The following GBE1 variants were observed in gnomAD, a reference collection of about 807,000 sequenced individuals.
GBE1 encodes 1,4-alpha-glucan branching enzyme 1.
GBE1 carries 70 observed loss-of-function variants against 88.8 expected under a neutral mutation model. The ratio of observed to expected loss-of-function variants is 0.79; its 90% CI spans 0.65 to 0.96. The LOEUF (loss-of-function observed/expected upper bound fraction) is 0.96, where lower values mean the gene tolerates loss of function less well. GBE1 is among the 40% of genes least tolerant of loss of function. GBE1 has a pLI of 0.00. For synonymous variants in GBE1, 284 were observed against 300.1 expected, an observed-to-expected ratio of 0.95 and a Z score of 0.56; for missense variants, 872 against 871.0, an observed-to-expected ratio of 1.00 and a Z score of -0.01.
chr3:81,609,494 A>C (rs1350295812), intron 7 of GBE1, among the ~76,000 whole-genome samples: 1 of 152,154 alleles, frequency 6.6e-6, no homozygotes, highest in Non-Finnish European at 1.5e-5. Context: ...CAATGATTAC[A>C]GGTAATATAT....
At position 81,673,330 on chromosome 3, in the gene GBE1, T is replaced by G. The variant is rs545595979; in HGVS notation, c.314-2377A>C. The stretch of plus-strand genomic sequence containing the variant: ...TTCATTCATTCATTCATTAAATATG[T>G]ACTCCGTGCTTAATGCAGGCCCTGT... On this transcript the variant is annotated intron_variant, in intron 2 of 15. Transcript: ENST00000429644. 7.2e-5 allele frequency among the ~76,000 whole-genome samples: 11 copies of G among 151,996 alleles called. No individual in the cohort carries two copies. The South Asian group carries it at 2.1e-3, about 29-fold the overall frequency.
intron 1 of GBE1, among the ~76,000 whole-genome samples, chr3:81,745,398 A>G (rs767365761): frequency 1.3e-5 from 2 of 152,128 alleles, no homozygotes; most frequent in Non-Finnish European, 2.9e-5. Context: ...CTCCATTTTG[A>G]ACAGAGGTAT....
chr3:81,535,368 A>G, intron 13 of GBE1, 43 bp from the exon 14 acceptor site: 1 of 1,549,576 alleles, frequency 6.5e-7, no homozygotes, highest in Non-Finnish European at 8.7e-7. Flanking sequence ...TAATACCTAG[A>G]TGCTGCTACA....
intron 6 of GBE1, 33 bp from the exon 7 acceptor site, chr3:81,643,023 A>G (rs1704709396): frequency 6.9e-7 from 1 of 1,439,662 alleles, no homozygotes; most frequent in South Asian, 1.2e-5. Context: ...AAAGAAGATT[A>G]CATCACATTT....
intron 7 of GBE1, chr3:81,642,424 G>T: frequency 6.0e-6 from 1 of 167,424 alleles, no homozygotes; most frequent in Non-Finnish European, 1.3e-5. Context: ...TTTTTAAATG[G>T]CCTACTTAAA....
At chr3:81,636,768 G>C (rs1357391860) in intron 7 of GBE1, among the ~76,000 whole-genome samples, 1 of 152,034 alleles carries the variant, frequency 6.6e-6, no homozygotes, top group Admixed American at 6.6e-5. Context: ...AATCTCAGGT[G>C]ATCAGCCCCC....
chr3:81,515,928 G>T (rs1702793178), intron 14 of GBE1, among the ~76,000 whole-genome samples: 1 of 151,632 alleles, frequency 6.6e-6, no homozygotes, highest in African/African-American at 2.4e-5. Flanking sequence ...GGAAGCTGCA[G>T]AAGAAAAGTT....
intron 15 of GBE1, among the ~76,000 whole-genome samples, chr3:81,493,541 T>C (rs903755590): frequency 6.6e-6 from 1 of 152,042 alleles, no homozygotes. Flanking sequence ...TTTTTTTTTT[T>C]TTTCTTTTTA....
intron 1 of GBE1, among the ~76,000 whole-genome samples, chr3:81,721,292 C>T (rs1223929274): frequency 8.6e-6 from 1 of 115,992 alleles, no homozygotes; most frequent in Non-Finnish European, 1.8e-5. Context: ...CATGTAAGTA[C>T]AACTAAATCT....
intron 7 of GBE1, among the ~76,000 whole-genome samples, chr3:81,609,213 T>G (rs943205159): frequency 6.6e-6 from 1 of 152,180 alleles, no homozygotes; most frequent in African/African-American, 2.4e-5. Context: ...GTTTTTCAAG[T>G]GCCTTTTACT....
chr3:81,743,897 T>A (rs191569562), intron 1 of GBE1, among the ~76,000 whole-genome samples: 29 of 152,272 alleles, frequency 1.9e-4, no homozygotes, highest in Non-Finnish European at 4.0e-4. Context: ...GTTAAGTATG[T>A]GGCATATCTC....
chr3:81,625,815 A>G (rs1000550629), intron 7 of GBE1, among the ~76,000 whole-genome samples: 3 of 152,148 alleles, frequency 2.0e-5, no homozygotes, highest in African/African-American at 7.2e-5. Flanking sequence ...TACAGCTGAT[A>G]TCTATTGGAG....
chr3:81,532,581 A>C (rs115496522), intron 14 of GBE1, among the ~76,000 whole-genome samples: 2 of 152,168 alleles, frequency 1.3e-5, no homozygotes, highest in South Asian at 4.1e-4. Flanking sequence ...CTCTTTCCTC[A>C]TGAAAGCTCC....
chr3:81,496,843 T>C (rs1336819791), intron 15 of GBE1, among the ~76,000 whole-genome samples: 1 of 152,200 alleles, frequency 6.6e-6, no homozygotes, highest in Non-Finnish European at 1.5e-5. Flanking sequence ...TCTTATCATC[T>C]GGAGCCTAAA....
At chr3:81,557,221 A>T (rs1456707380) in intron 12 of GBE1, among the ~76,000 whole-genome samples, 1 of 152,096 alleles carries the variant, frequency 6.6e-6, no homozygotes, top group East Asian at 1.9e-4. Flanking sequence ...CCGACCTTGC[A>T]CGTTGTTTGT....
chr3:81,639,293 T>G (rs1374739096), intron 7 of GBE1, among the ~76,000 whole-genome samples: 1 of 152,102 alleles, frequency 6.6e-6, no homozygotes, highest in East Asian at 1.9e-4. Context: ...TTTGTGTGCC[T>G]TTTTAAATTT....
At chr3:81,563,637 A>T (rs936277752) in intron 12 of GBE1, among the ~76,000 whole-genome samples, 1 of 152,066 alleles carries the variant, frequency 6.6e-6, no homozygotes, top group Non-Finnish European at 1.5e-5. Context: ...CCCTGTATTT[A>T]AGGGAATCTT....
chr3:81,555,187 C>G (rs1179539337), intron 12 of GBE1, among the ~76,000 whole-genome samples: 1 of 152,132 alleles, frequency 6.6e-6, no homozygotes, highest in South Asian at 2.1e-4. Flanking sequence ...AAAAATGTGA[C>G]TATAAAGTTA....
chr3:81,720,767 C>T (rs1706016125), intron 1 of GBE1, among the ~76,000 whole-genome samples: 1 of 151,740 alleles, frequency 6.6e-6, no homozygotes, highest in Non-Finnish European at 1.5e-5. Flanking sequence ...TTTATTGCGG[C>T]ACTATTCACA....
Sources: allele counts gnomAD v4.1 joint callset (sites outside exome capture counted in the v4.1 genomes callset), GRCh38; gene constraint gnomAD v4.1.1; transcripts MANE v1.5; gene names NCBI Gene and HGNC (gene_info 2026-07-23, HGNC 2026-07-21).